PSTPIP1: variants seen among roughly 807,000 people sequenced by gnomAD.
PSTPIP1 encodes the protein proline-serine-threonine phosphatase interacting protein 1, also known as proline-serine-threonine phosphatase-interacting protein 1.
A neutral mutation model predicts 69.6 loss-of-function variants in PSTPIP1; 66 were observed. That is an observed-to-expected ratio of 0.95 (90% CI 0.78 to 1.16). The LOEUF (loss-of-function observed/expected upper bound fraction) is 1.16, where lower values mean the gene tolerates loss of function less well. PSTPIP1 is among the 50% of genes most tolerant of loss of function. The probability of loss-of-function intolerance (pLI) is 0.00; values close to 1 mark genes in which losing one functional copy is unlikely to be tolerated. For synonymous variants in PSTPIP1, 266 were observed against 222.7 expected (o/e 1.19, Z -1.73); for missense variants, 603 against 557.4 (o/e 1.08, Z -0.82).
At position 77,018,361 on chromosome 15, in the gene PSTPIP1, C is replaced by A. The variant is rs2076092869; in HGVS notation, c.138-96C>A. On this transcript the variant is annotated intron_variant, in intron 2 of 14. Coordinates refer to ENST00000558012, the MANE Select transcript of PSTPIP1 (RefSeq NM_003978.5). The stretch of plus-strand genomic sequence containing the variant: ...CCAGCCAAACTCTGTCAGAACACGC[C>A]CTGCTTTAAAAAACTCTTCTGTGTT... 2.6e-6 allele frequency: 4 copies of A among 1,536,586 alleles called. No individual in the cohort carries two copies. In the Admixed American group the frequency reaches 7.8e-5, roughly 30 times the overall value.
At chr15:76,997,159 G>A (rs1387178669) in intron 1 of PSTPIP1, among the ~76,000 whole-genome samples, 2 of 152,230 alleles carry the variant, frequency 1.3e-5, no homozygotes, top group Non-Finnish European at 2.9e-5. Flanking sequence ...CAGCCCCTGT[G>A]GAGCTTCCTG....
At position 77,028,606 on chromosome 15, in the gene PSTPIP1, C is replaced by A. The variant is rs2076342762; in HGVS notation, c.470C>A (p.Ala157Asp). The change falls in exon 7 of 15, where the codon GCC becomes GAC. Residue 157 changes from alanine to aspartate, a missense_variant. Coordinates refer to ENST00000558012, the MANE Select transcript of PSTPIP1 (RefSeq NM_003978.5). ...CGGGACGCGGACGACGCGGAGCAGG[C>A]CTTCGAGCGCATTAGCGCCAACGGC... ...KCRDADDAEQ[A>D]FERISANGHQ... The A allele has an allele frequency of 6.3e-7, 1 of 1,599,082 alleles. No homozygotes were observed. The highest frequency in any genetic ancestry group is 8.5e-7 in the Non-Finnish European group (1 of 1,173,802).
At chr15:77,024,110 G>A (rs549910854) in intron 3 of PSTPIP1, 11 of 152,426 alleles carry the variant, frequency 7.2e-5, no homozygotes, top group African/African-American at 2.6e-4. Flanking sequence ...GTTGTGAGCA[G>A]TTCTGACGTC....
chr15:77,017,868 T>C (rs1217229342), intron 1 of PSTPIP1, among the ~76,000 whole-genome samples: 1 of 152,240 alleles, frequency 6.6e-6, no homozygotes, highest in Non-Finnish European at 1.5e-5. Flanking sequence ...CTCATGCTGA[T>C]GTGTGTCCTG....
At chr15:77,002,890 G>A (rs1420083825) in intron 1 of PSTPIP1, among the ~76,000 whole-genome samples, 1 of 152,206 alleles carries the variant, frequency 6.6e-6, no homozygotes, top group Non-Finnish European at 1.5e-5. Flanking sequence ...GGAGAAGGAG[G>A]GCCTTGCTTT....
intron 6 of PSTPIP1, 154 bp from the exon 7 acceptor site, chr15:77,028,400 C>G (rs1026606834): frequency 1.5e-5 from 9 of 600,944 alleles, no homozygotes; most frequent in Non-Finnish European, 2.6e-5. Flanking sequence ...TATCTCCTTC[C>G]GGACCCCCAG....
At chr15:77,014,400 G>A (rs62007172) in intron 1 of PSTPIP1, among the ~76,000 whole-genome samples, 20,481 of 152,150 alleles carry the variant, frequency 0.13, 1,696 homozygotes, top group South Asian at 0.23. Flanking sequence ...GTCACGGGAG[G>A]TGTGAACCCA....
At chr15:77,025,210 C>G (rs1250500541) in intron 3 of PSTPIP1, 74 bp from the exon 4 acceptor site, 5 of 1,501,716 alleles carry the variant, frequency 3.3e-6, no homozygotes, top group Non-Finnish European at 4.6e-6. Flanking sequence ...CTGCCCACCC[C>G]GCCGGGAGGC....
intron 10 of PSTPIP1, 84 bp from the exon 11 acceptor site, chr15:77,032,214 G>A (rs2076434675): frequency 7.1e-7 from 1 of 1,398,886 alleles, no homozygotes; most frequent in African/African-American, 1.4e-5. Context: ...GGAGGCCGGT[G>A]GGTGGGGGCC....
chr15:77,033,958 G>A (rs1205376328), intron 12 of PSTPIP1, among the ~76,000 whole-genome samples: 1 of 152,172 alleles, frequency 6.6e-6, no homozygotes, highest in Non-Finnish European at 1.5e-5. Context: ...AGCAAAGGTG[G>A]TCATTTAAGC....
intron 5 of PSTPIP1, among the ~76,000 whole-genome samples, chr15:77,025,809 CTT>C (rs1020081111): frequency 1.4e-4 from 21 of 152,290 alleles, no homozygotes; most frequent in South Asian, 2.1e-4. Flanking sequence ...AAGGCCAACT[CTT>C]AGTCCCAGAG....
At chr15:76,995,004 C>T (rs565073285), upstream of PSTPIP1, 16 of 1,183,058 alleles carry the variant, frequency 1.4e-5, no homozygotes, top group African/African-American at 8.0e-5. Context: ...GCCCGCACCT[C>T]GGGAGGGGGC....
Position 77,029,359 on chromosome 15 carries a change from G to A in PSTPIP1, c.517-170G>A, listed in dbSNP as rs531339175. On this transcript the variant is annotated intron_variant, in intron 7 of 14. Transcript: ENST00000558012. The stretch of plus-strand genomic sequence containing the variant: ...TTCTCTTTCCATGGAGCTAGCCTGT[G>A]GTCCTCTGTGGGCGGAGGTTGCTTG... Among the ~76,000 whole-genome samples the A allele has an allele frequency of 1.6e-4, 25 of 152,360 alleles. No homozygotes were observed. In the Middle Eastern group the frequency reaches 0.014, roughly 83 times the overall value.
intron 1 of PSTPIP1, among the ~76,000 whole-genome samples, chr15:76,996,621 C>T (rs982261452): frequency 6.6e-6 from 1 of 152,266 alleles, no homozygotes; most frequent in Non-Finnish European, 1.5e-5. Context: ...TCCTTCCCTT[C>T]CGGCCGGCTC....
chr15:76,995,322 C>A lies in PSTPIP1; in HGVS notation c.-252C>A, dbSNP rs1596028099. 7.1e-7 allele frequency: 1 copy of A among 1,399,508 alleles called. No homozygotes were observed. The highest frequency in any genetic ancestry group is 2.7e-5 in the East Asian group (1 of 37,088). The allele number at this position is 1,399,508 out of a possible 1,614,324, so 86.7% of individuals were successfully genotyped here. On this transcript the variant is annotated 5_prime_UTR_variant, in exon 1 of 15. Coordinates refer to ENST00000558012, the MANE Select transcript of PSTPIP1 (RefSeq NM_003978.5). ...GGGCTGGACACCAGGGCCCGCCCTC[C>A]CATCACTGAGCTCCACTCCTTCCTC...
chr15:77,014,437 C>T (rs866358080), intron 1 of PSTPIP1, among the ~76,000 whole-genome samples: 1 of 152,192 alleles, frequency 6.6e-6, no homozygotes, highest in African/African-American at 2.4e-5. Context: ...CCCTTCCCAG[C>T]CTCTCAAACA....
intron 1 of PSTPIP1, among the ~76,000 whole-genome samples, chr15:77,004,687 T>TAA (rs71143383): frequency 0.023 from 3,290 of 142,556 alleles, 51 homozygotes; most frequent in African/African-American, 0.029. Flanking sequence ...AACCACTTCT[T>TAA]AAAAAAAAAA....
rs569168126 is a variant in PSTPIP1, at chr15:77,027,079, T to A, written c.355-773T>A. ...GCTCCCCTGCATATGCCTGTGAGCATGTGTCCTTGTCCAGCCCTGTGCACT... is the reference window on the plus strand; with the variant it reads ...GCTCCCCTGCATATGCCTGTGAGCAAGTGTCCTTGTCCAGCCCTGTGCACT... On this transcript the variant is annotated intron_variant, in intron 5 of 14. Coordinates refer to ENST00000558012, the MANE Select transcript of PSTPIP1 (RefSeq NM_003978.5). This position sits in a 1 kb window ranked among gnomAD's most constrained non-coding sequence, Gnocchi z 4.3. Among the ~76,000 whole-genome samples, 10 of 152,214 alleles carry A rather than the reference T, an allele frequency of 6.6e-5. No individual in the cohort carries two copies. Among genetic ancestry groups the A allele is most frequent in the Non-Finnish European group, 1.2e-4 (8 of 68,030 alleles).
chr15:77,009,152 G>C (rs766489616), intron 1 of PSTPIP1, among the ~76,000 whole-genome samples: 1 of 152,274 alleles, frequency 6.6e-6, no homozygotes, highest in Non-Finnish European at 1.5e-5. Context: ...GGAGCCCCAC[G>C]TGCCATCCCC....
Sources: allele counts gnomAD v4.1 joint callset (sites outside exome capture counted in the v4.1 genomes callset), GRCh38; gene constraint gnomAD v4.1.1; non-coding constraint Gnocchi (gnomAD v3.1); transcripts MANE v1.5; gene names NCBI Gene and HGNC (gene_info 2026-07-23, HGNC 2026-07-21).